Variants in NUP214 observed in about 807,000 individuals in gnomAD.
NUP214 encodes nuclear pore complex protein Nup214.
A neutral mutation model predicts 196.2 loss-of-function variants in NUP214; 79 were observed. That is an observed-to-expected ratio of 0.40 (90% CI 0.34 to 0.49). NUP214 has a LOEUF of 0.49. NUP214 is among the 20% of genes least tolerant of loss of function. The pLI is 0.58. For synonymous variants in NUP214, 1,020 were observed against 990.5 expected (o/e 1.03, Z -0.56); for missense variants, 2,468 against 2,539.0 (o/e 0.97, Z 0.60).
intron 11 of NUP214, among the ~76,000 whole-genome samples, chr9:131,142,953 A>G (rs1014321096): frequency 4.6e-5 from 7 of 152,212 alleles, no homozygotes; most frequent in Admixed American, 1.3e-4. Context: ...TTAGTTGGTT[A>G]TTTAATTTAA....
chr9:131,128,037 A>G (rs1384170658), intron 2 of NUP214, among the ~76,000 whole-genome samples: 1 of 152,222 alleles, frequency 6.6e-6, no homozygotes, highest in Non-Finnish European at 1.5e-5. Flanking sequence ...TTGGCACAAC[A>G]GTATGATCCA....
intron 24 of NUP214, 108 bp downstream of exon 24, chr9:131,178,518 G>C: frequency 2.7e-6 from 2 of 748,246 alleles, no homozygotes; most frequent in Non-Finnish European, 4.5e-6. Flanking sequence ...TTCCTGCACC[G>C]CCTTAGGTTA....
At chr9:131,220,174 C>T (rs1402443704) in intron 31 of NUP214, among the ~76,000 whole-genome samples, 3 of 152,056 alleles carry the variant, frequency 2.0e-5, no homozygotes, top group Non-Finnish European at 4.4e-5. Flanking sequence ...GTTTTTTTTA[C>T]TGGATAGTTT....
intron 31 of NUP214, among the ~76,000 whole-genome samples, chr9:131,221,112 G>A (rs1834542986): frequency 6.6e-6 from 1 of 152,236 alleles, no homozygotes; most frequent in African/African-American, 2.4e-5. Flanking sequence ...CAAATGTACT[G>A]CCATTGAAGG....
At chr9:131,218,215 A>G (rs948517915) in intron 31 of NUP214, among the ~76,000 whole-genome samples, 7 of 152,342 alleles carry the variant, frequency 4.6e-5, no homozygotes, top group Admixed American at 2.6e-4. Flanking sequence ...TTTAAAAACT[A>G]TATGATTTTA....
At chr9:131,129,753 G>A (rs577331751) in intron 4 of NUP214, among the ~76,000 whole-genome samples, 1 of 152,074 alleles carries the variant, frequency 6.6e-6, no homozygotes, top group East Asian at 1.9e-4. Flanking sequence ...ATAGACATGC[G>A]CCACCATGCC....
At chr9:131,167,783 T>C (rs1178654250) in intron 21 of NUP214, among the ~76,000 whole-genome samples, 1 of 152,272 alleles carries the variant, frequency 6.6e-6, no homozygotes, top group Non-Finnish European at 1.5e-5. Flanking sequence ...TTTGTACATG[T>C]TTTTATCAAT....
In NUP214 at chr9:131,223,736, T is replaced by A. The variant is rs868490542; in HGVS notation, c.5902+806T>A. 1.3e-3 allele frequency among the ~76,000 whole-genome samples: 36 copies of A among 28,602 alleles called. 2 individuals carry two copies. Among genetic ancestry groups the A allele is most frequent in the South Asian group, 0.01 (6 of 580 alleles). The allele number at this position is 28,602 out of a possible 152,430, so 18.8% of individuals were successfully genotyped here. A position where few individuals can be genotyped will look rare whatever the true frequency, so the allele number is the denominator to read the frequency against. On this transcript the variant is annotated intron_variant, in intron 32 of 35. Transcript: ENST00000359428. ...TTTTATTTATTTATTTATTTTTTTTTTTTTTTTTTTTTTTTTGAGACGGAG... is the reference window on the plus strand; with the variant it reads ...TTTTATTTATTTATTTATTTTTTTTATTTTTTTTTTTTTTTTGAGACGGAG...
In NUP214 at chr9:131,174,257, A is replaced by G; in HGVS notation, c.3096A>G (p.Ala1032=). 2 of 1,613,992 alleles carry G rather than the reference A, an allele frequency of 1.2e-6. No individual in the cohort carries two copies. The highest frequency in any genetic ancestry group is 2.2e-5 in the East Asian group (1 of 44,874). Residue 1032 remains alanine, a synonymous_variant, in exon 22 of 36, where the codon GCA becomes GCG. Coordinates refer to ENST00000359428, the MANE Select transcript of NUP214 (RefSeq NM_005085.4). ...PSIQPSLLPH[A]APFAKSHLVH... is the part of the protein sequence containing the mutation. Reference sequence around the variant, plus strand: ...TCCAGCCCAGTCTCTTGCCCCATGCAGCACCTTTTGCTAAATCTCACCTGG... The same window carrying G: ...TCCAGCCCAGTCTCTTGCCCCATGCGGCACCTTTTGCTAAATCTCACCTGG...
At chr9:131,150,016 A>T in intron 14 of NUP214, 1 of 199,974 alleles carries the variant, frequency 5.0e-6, no homozygotes, top group African/African-American at 2.3e-5. Context: ...GCCCTTTTTT[A>T]TTCTCTTTAT....
intron 18 of NUP214, among the ~76,000 whole-genome samples, chr9:131,160,052 CTAAA>C (rs1280149929): frequency 6.6e-6 from 1 of 151,968 alleles, no homozygotes; most frequent in East Asian, 1.9e-4. Context: ...ACAGGAGTGG[CTAAA>C]TAAATATGGT....
In NUP214 at chr9:131,197,641, C is replaced by G. The variant is rs1564205177; in HGVS notation, c.4147C>G (p.His1383Asp). 6.2e-7 allele frequency: 1 copy of G among 1,614,156 alleles called. No individual in the cohort carries two copies. Among genetic ancestry groups the G allele is most frequent in the Non-Finnish European group, 8.5e-7 (1 of 1,180,024 alleles). The change falls in exon 29 of 36, where the codon CAC becomes GAC. Residue 1383 changes from histidine (H) to aspartate (D), a missense_variant. Physicochemically the swap from His to Asp is moderately conservative, Grantham distance 81 (BLOSUM62 -1). This residue lies in a region of NUP214 where 1,801 missense variants were observed against 1,779.4 expected (regional missense o/e 1.01). Coordinates refer to ENST00000359428, the MANE Select transcript of NUP214 (RefSeq NM_005085.4). ...NFTAPPVLGK[H>D]TEPPVTSSAT... ...TACTGCCCCCCCGGTGTTAGGGAAG[C>G]ACACGGAGCCCCCTGTGACATCCTC...
At chr9:131,211,429 AT>A (rs1834237707) in intron 30 of NUP214, among the ~76,000 whole-genome samples, 1 of 151,940 alleles carries the variant, frequency 6.6e-6, no homozygotes, top group South Asian at 2.1e-4. Context: ...TCGCTTTTGA[AT>A]TTTTCCTGGT....
chr9:131,163,285 G>A, intron 19 of NUP214, 112 bp downstream of exon 19: 3 of 1,080,556 alleles, frequency 2.8e-6, no homozygotes, highest in Non-Finnish European at 3.9e-6. Flanking sequence ...TCTCTCACCT[G>A]TGTAATCCTG....
At position 131,228,340 on chromosome 9, in the gene NUP214, C is replaced by T; in HGVS notation, c.6074+9C>T. The T allele has an allele frequency of 6.4e-7, 1 of 1,574,404 alleles. No individual in the cohort carries two copies. Among genetic ancestry groups the T allele is most frequent in the South Asian group, 1.2e-5 (1 of 85,386 alleles). ...AGCGCAGGAGGATTCGGGTAAGCCCCCTGGGGAGGGCCCTTGGGAACCCAC... is the reference window on the plus strand; with the variant it reads ...AGCGCAGGAGGATTCGGGTAAGCCCTCTGGGGAGGGCCCTTGGGAACCCAC... On this transcript the variant is annotated intron_variant, in intron 33 of 35. Coordinates refer to ENST00000359428, the MANE Select transcript of NUP214 (RefSeq NM_005085.4).
intron 30 of NUP214, among the ~76,000 whole-genome samples, chr9:131,207,145 C>T (rs1419460310): frequency 6.6e-6 from 1 of 152,186 alleles, no homozygotes; most frequent in Non-Finnish European, 1.5e-5. Flanking sequence ...CATAATAACA[C>T]CAAGAAAAAT....
intron 10 of NUP214, 127 bp from the exon 11 acceptor site, chr9:131,140,422 A>C (rs1831874345): frequency 6.8e-6 from 5 of 735,448 alleles, no homozygotes; most frequent in Non-Finnish European, 8.8e-6. Flanking sequence ...AAATCAGAAC[A>C]AACTAACTTG....
intron 5 of NUP214, among the ~76,000 whole-genome samples, chr9:131,131,624 A>G (rs1831546275): frequency 6.6e-6 from 1 of 152,190 alleles, no homozygotes; most frequent in Non-Finnish European, 1.5e-5. Flanking sequence ...TAACCTGTAA[A>G]AAGATAATGC....
rs1451041782 is a variant in NUP214, at chr9:131,234,185, A to C, written c.*698A>C. On this transcript the variant is annotated 3_prime_UTR_variant, in exon 36 of 36. Coordinates refer to ENST00000359428, the MANE Select transcript of NUP214 (RefSeq NM_005085.4). The stretch of plus-strand genomic sequence containing the variant: ...TTGGGTGCCATGTGTCCTACTCCAG[A>C]GAGGAGGGGGCCGGTCACTTGAGAA... 8.6e-6 allele frequency: 2 copies of C among 233,148 alleles called. No individual in the cohort carries two copies. Among genetic ancestry groups the C allele is most frequent in the Admixed American group, 1.1e-4 (2 of 17,772 alleles). 14.4% of individuals were successfully genotyped at this position (233,148 alleles called of 1,614,324 possible).
Sources: allele counts gnomAD v4.1 joint callset (sites outside exome capture counted in the v4.1 genomes callset), GRCh38; gene constraint gnomAD v4.1.1; regional missense constraint gnomAD v4.1.1; transcripts MANE v1.5; gene names NCBI Gene and HGNC (gene_info 2026-07-23, HGNC 2026-07-21).